EHHADH: variants seen among roughly 807,000 people sequenced by gnomAD.
EHHADH encodes peroxisomal bifunctional enzyme.
A neutral mutation model predicts 64.4 loss-of-function variants in EHHADH; 48 were observed. The ratio of observed to expected loss-of-function variants is 0.75; its 90% CI spans 0.59 to 0.95. EHHADH has a LOEUF of 0.95. Among genes scored for constraint, EHHADH ranks in the 40% least tolerant of loss-of-function variants. The pLI is 0.00. For synonymous variants in EHHADH, 308 were observed against 326.7 expected, an observed-to-expected ratio of 0.94 and a Z score of 0.62; for missense variants, 854 against 876.6, an observed-to-expected ratio of 0.97 and a Z score of 0.33.
intron 5 of EHHADH, among the ~76,000 whole-genome samples, chr3:185,208,326 C>A (rs989501559): frequency 6.6e-6 from 1 of 152,174 alleles, no homozygotes; most frequent in Non-Finnish European, 1.5e-5. Context: ...CCCTAATCAA[C>A]CTGAGATGAC....
intron 2 of EHHADH, among the ~76,000 whole-genome samples, chr3:185,236,365 C>CCCCCCCCCCCCCCCCTGCA (rs1719294573): frequency 7.4e-6 from 1 of 134,282 alleles, no homozygotes; most frequent in Non-Finnish European, 1.6e-5. Context: ...CAATCCCTGC[C>CCCCCCCCCCCCCCCCTGCA]CCCCCACCCT....
intron 2 of EHHADH, among the ~76,000 whole-genome samples, chr3:185,237,758 A>T (rs1483144524): frequency 6.6e-6 from 1 of 152,206 alleles, no homozygotes; most frequent in Admixed American, 6.5e-5. Context: ...AAGATTATTT[A>T]AAATTATTTT....
At chr3:185,195,383 A>G (rs1718031240) in intron 6 of EHHADH, among the ~76,000 whole-genome samples, 1 of 152,258 alleles carries the variant, frequency 6.6e-6, no homozygotes, top group Admixed American at 6.5e-5. Flanking sequence ...TGGAGAAATT[A>G]GAACTCTGAT....
intron 5 of EHHADH, among the ~76,000 whole-genome samples, chr3:185,212,532 A>G (rs1211260830): frequency 1.3e-5 from 2 of 152,226 alleles, no homozygotes; most frequent in African/African-American, 4.8e-5. Context: ...AAGAAGTAGA[A>G]ACTAAATAAA....
chr3:185,194,815 A>AAAAAAAAAAAAAAAAAAAAAT (rs1718015361), intron 6 of EHHADH, among the ~76,000 whole-genome samples: 1 of 145,120 alleles, frequency 6.9e-6, no homozygotes, highest in African/African-American at 2.5e-5. Context: ...AAAAAAAAAA[A>AAAAAAAAAAAAAAAAAAAAAT]AAAAAAAAAA....
chr3:185,235,577 T>C, intron 2 of EHHADH, 115 bp from the exon 3 acceptor site: 1 of 898,056 alleles, frequency 1.1e-6, no homozygotes, highest in Non-Finnish European at 1.5e-6. Flanking sequence ...TATTTCTTAA[T>C]TTTTTTTAGA....
chr3:185,235,213 T>C (rs919056317), intron 3 of EHHADH, 77 bp downstream of exon 3: 33 of 1,329,604 alleles, frequency 2.5e-5, no homozygotes, highest in Non-Finnish European at 3.1e-5. Context: ...TCACCGCTGA[T>C]ACTTATGACT....
intron 1 of EHHADH, among the ~76,000 whole-genome samples, chr3:185,249,568 G>A (rs1012560650): frequency 6.6e-6 from 1 of 152,212 alleles, no homozygotes; most frequent in Admixed American, 6.5e-5. Context: ...AGGAGATCTA[G>A]TGGTTTATAA....
intron 4 of EHHADH, among the ~76,000 whole-genome samples, chr3:185,218,558 A>G (rs1376475147): frequency 1.3e-5 from 2 of 152,186 alleles, no homozygotes; most frequent in Non-Finnish European, 2.9e-5. Context: ...AGTGAGAATA[A>G]CAGATTCTCT....
At chr3:185,223,131 T>C (rs779250682) in intron 4 of EHHADH, among the ~76,000 whole-genome samples, 25 of 152,240 alleles carry the variant, frequency 1.6e-4, no homozygotes, top group Non-Finnish European at 2.9e-4. Flanking sequence ...GAGCACGTAT[T>C]ATTCAAAGCA....
rs748925800 is a variant in EHHADH at position 185,204,421 on chromosome 3, A to C, written c.905T>G (p.Val302Gly). The C allele has an allele frequency of 1.6e-5, 25 of 1,600,634 alleles. No individual in the cohort carries two copies. The highest frequency in any genetic ancestry group is 2.0e-5 in the Non-Finnish European group (23 of 1,173,194). The change falls in exon 6 of 7, where the codon GTT becomes GGT. Residue 302 changes from valine (V) to glycine (G), a missense_variant. Coordinates refer to ENST00000231887, the MANE Select transcript of EHHADH (RefSeq NM_001966.4). Reference protein sequence around the residue: ...ASARPVSSVGVVGLGTMGRGI... With the variant: ...ASARPVSSVGGVGLGTMGRGI... ...TCATTACCCCATGGTCTTACCAACA[A>C]CACCAACTGAGGAGACAGGCCGCGC...
At chr3:185,252,252 T>A (rs1719768985) in intron 1 of EHHADH, among the ~76,000 whole-genome samples, 1 of 151,916 alleles carries the variant, frequency 6.6e-6, no homozygotes, top group Non-Finnish European at 1.5e-5. Context: ...TACAAAAAAT[T>A]AGCTGGGCGT....
At position 185,206,839 on chromosome 3, in the gene EHHADH, G is replaced by GAAA. The variant is rs368935039; in HGVS notation, c.569-2085_569-2083dup. Reference sequence around the variant, plus strand: ...CGAGACTCTGTCTCCAAAAAAAACAGAAAAAAAAAAATGAAATGACAAGCC... The same window carrying GAAA: ...CGAGACTCTGTCTCCAAAAAAAACAGAAAAAAAAAAAAAATGAAATGACAAGCC... On this transcript the variant is annotated intron_variant, in intron 5 of 6. Transcript: ENST00000231887. Among the ~76,000 whole-genome samples, 443 of 132,758 alleles carry GAAA rather than the reference G, an allele frequency of 3.3e-3. 3 individuals are homozygous for GAAA. Among genetic ancestry groups the GAAA allele is most frequent in the African/African-American group, 0.011 (397 of 36,302 alleles). 87.1% of individuals were successfully genotyped at this position (132,758 alleles called of 152,430 possible).
chr3:185,228,257 A>AAAAAAAATATATAT lies in EHHADH; in HGVS notation c.463+1174_463+1175insATATATATTTTTTT, dbSNP rs1367786172. Among the ~76,000 whole-genome samples, 15 of 21,996 alleles carry AAAAAAAATATATAT rather than the reference A, an allele frequency of 6.8e-4. 1 individual carries two copies. The highest frequency in any genetic ancestry group is 8.6e-4 in the Non-Finnish European group (8 of 9,354). 14.4% of individuals were successfully genotyped at this position (21,996 alleles called of 152,430 possible). A position where few individuals can be genotyped will look rare whatever the true frequency, so the allele number is the denominator to read the frequency against. ...TCAAAAAAAAAAAAAAAAAAAAAAAAATATATATATATATATATATATGGA... is the reference window on the plus strand; with the variant it reads ...TCAAAAAAAAAAAAAAAAAAAAAAAAAAAAAAATATATATATATATATATATATATATATATGGA... On this transcript the variant is annotated intron_variant, in intron 4 of 6. Coordinates refer to ENST00000231887, the MANE Select transcript of EHHADH (RefSeq NM_001966.4).
chr3:185,209,885 A>G (rs1718492584), intron 5 of EHHADH, among the ~76,000 whole-genome samples: 2 of 152,242 alleles, frequency 1.3e-5, no homozygotes, highest in Non-Finnish European at 2.9e-5. Context: ...TTGAAAAAAC[A>G]TGAACCGTAT....
intron 5 of EHHADH, among the ~76,000 whole-genome samples, chr3:185,212,563 C>CGTT (rs549121841): frequency 1.7e-3 from 253 of 152,138 alleles, no homozygotes; most frequent in African/African-American, 6.0e-3. Flanking sequence ...CTTCTTCTTT[C>CGTT]GTTGTTGTTG....
intron 5 of EHHADH, among the ~76,000 whole-genome samples, chr3:185,206,599 G>A (rs563951299): frequency 1.3e-5 from 2 of 152,086 alleles, no homozygotes; most frequent in African/African-American, 4.8e-5. Context: ...AGGCCGAGGC[G>A]GGTGGATTGT....
At chr3:185,251,617 TG>T (rs1719751052) in intron 1 of EHHADH, among the ~76,000 whole-genome samples, 1 of 148,358 alleles carries the variant, frequency 6.7e-6, no homozygotes. Flanking sequence ...TATGTGTGTG[TG>T]TGTGTGTGTG....
At chr3:185,225,224 C>T (rs1037250593) in intron 4 of EHHADH, among the ~76,000 whole-genome samples, 1 of 152,134 alleles carries the variant, frequency 6.6e-6, no homozygotes, top group East Asian at 1.9e-4. Context: ...GCCTCTCAAA[C>T]TTAACATGTC....
Sources: allele counts gnomAD v4.1 joint callset (sites outside exome capture counted in the v4.1 genomes callset), GRCh38; gene constraint gnomAD v4.1.1; transcripts MANE v1.5; gene names NCBI Gene and HGNC (gene_info 2026-07-23, HGNC 2026-07-21).